The following SCAF4 variants were observed in gnomAD, a reference collection of about 807,000 sequenced individuals.
The protein encoded by SCAF4 is SR-related and CTD-associated factor 4.
A neutral mutation model predicts 129.8 loss-of-function variants in SCAF4; 25 were observed. That is an observed-to-expected ratio of 0.19 (90% confidence interval 0.14 to 0.27). The LOEUF is 0.27. SCAF4 is among the 10% of genes least tolerant of loss of function. SCAF4 has a pLI of 1.00. For synonymous variants in SCAF4, 551 were observed against 497.7 expected, an observed-to-expected ratio of 1.11 and a Z score of -1.43; for missense variants, 1,246 against 1,457.1, an observed-to-expected ratio of 0.86 and a Z score of 2.36.
At chr21:31,683,465 T>A (rs2050043181) in intron 19 of SCAF4, among the ~76,000 whole-genome samples, 1 of 152,236 alleles carries the variant, frequency 6.6e-6, no homozygotes, top group South Asian at 2.1e-4. Context: ...GGCTACTTAC[T>A]ACGCTTCACA....
chr21:31,721,191 C>A (rs1219651180), intron 1 of SCAF4, among the ~76,000 whole-genome samples: 1 of 152,128 alleles, frequency 6.6e-6, no homozygotes, highest in South Asian at 2.1e-4. Context: ...TCTGTCTCTA[C>A]GGGTTTGCTT....
chr21:31,729,890 A>T (rs1039489107), intron 1 of SCAF4, among the ~76,000 whole-genome samples: 2 of 152,224 alleles, frequency 1.3e-5, no homozygotes, highest in African/African-American at 4.8e-5. Flanking sequence ...TTCAGGATTA[A>T]TAGAAAATAC....
intron 14 of SCAF4, 56 bp from the exon 15 acceptor site, chr21:31,691,009 G>C: frequency 2.0e-6 from 3 of 1,465,580 alleles, no homozygotes; most frequent in Non-Finnish European, 2.8e-6. Flanking sequence ...CGTAAGTCTT[G>C]AGGGTATTAT....
intron 19 of SCAF4, among the ~76,000 whole-genome samples, chr21:31,679,064 T>C (rs1022064918): frequency 1.3e-5 from 2 of 152,206 alleles, no homozygotes; most frequent in Non-Finnish European, 2.9e-5. Context: ...GAATTAAGAA[T>C]AGAGGCTACA....
chr21:31,707,115 C>A (rs147919498), intron 1 of SCAF4, among the ~76,000 whole-genome samples: 372 of 152,150 alleles, frequency 2.4e-3, no homozygotes, highest in Middle Eastern at 6.8e-3. Flanking sequence ...TTATGGGAGG[C>A]TTTGACTGTC....
Position 31,692,394 on chromosome 21 carries a change from A to G in SCAF4, c.1569T>C (p.Asp523=). ...CAAACTCTTCCAAGAGACTGGCAAC[A>G]TCCTGCTGAGTAGTTCTTTTGTCCA... ...GQLDKRTTQQ[D]VASLLEEFGP... Residue 523 remains aspartate, a synonymous_variant, in exon 13 of 20, where the codon GAT becomes GAC. Transcript: ENST00000286835. The G allele has an allele frequency of 6.2e-7, 1 of 1,614,136 alleles. No individual in the cohort carries two copies. The highest frequency in any genetic ancestry group is 1.1e-5 in the South Asian group (1 of 91,088).
chr21:31,711,403 C>A (rs897344582), intron 1 of SCAF4, among the ~76,000 whole-genome samples: 2 of 152,180 alleles, frequency 1.3e-5, no homozygotes, highest in African/African-American at 4.8e-5. Flanking sequence ...CCAGAAATTA[C>A]GCTGATACTT....
At chr21:31,702,008 C>T in intron 5 of SCAF4, 90 bp from the exon 6 acceptor site, 2 of 1,468,052 alleles carry the variant, frequency 1.4e-6, no homozygotes, top group Non-Finnish European at 1.9e-6. Flanking sequence ...ACATTTTATC[C>T]AATTTAACAA....
chr21:31,675,670 T>C (rs1400527462), intron 19 of SCAF4, among the ~76,000 whole-genome samples: 13 of 152,110 alleles, frequency 8.5e-5, no homozygotes, highest in Admixed American at 8.5e-4. Context: ...ACCAAAACAG[T>C]GATGGCTCTA....
At chr21:31,730,884 A>G (rs1215603518) in intron 1 of SCAF4, among the ~76,000 whole-genome samples, 1 of 152,192 alleles carries the variant, frequency 6.6e-6, no homozygotes, top group Non-Finnish European at 1.5e-5. Flanking sequence ...GGAGCCGAGG[A>G]TTAACTACCT....
intron 4 of SCAF4, among the ~76,000 whole-genome samples, chr21:31,702,794 A>C (rs2050565984): frequency 6.6e-6 from 1 of 152,200 alleles, no homozygotes; most frequent in Non-Finnish European, 1.5e-5. Flanking sequence ...GTGGCCAAGC[A>C]AATATGAAGA....
chr21:31,684,872 A>G, intron 19 of SCAF4, 177 bp downstream of exon 19: 1 of 583,968 alleles, frequency 1.7e-6, no homozygotes, highest in East Asian at 2.9e-5. Context: ...ATTTGACTTT[A>G]AGAGGAAGAT....
intron 1 of SCAF4, among the ~76,000 whole-genome samples, chr21:31,709,068 T>C (rs2050735893): frequency 6.6e-6 from 1 of 152,164 alleles, no homozygotes; most frequent in South Asian, 2.1e-4. Flanking sequence ...AAATCTCTAA[T>C]TTATGGAGAA....
rs541908232 is a variant in SCAF4, at chr21:31,714,995, T to C, written c.31-8638A>G. ...TCAAATGGACAGGGTCCGGACGTAG[T>C]CCTGCACTGTGAATTGGCTTTTGTA... On this transcript the variant is annotated intron_variant, in intron 1 of 19. Coordinates refer to ENST00000286835, the MANE Select transcript of SCAF4 (RefSeq NM_020706.2). 2.6e-5 allele frequency among the ~76,000 whole-genome samples: 4 copies of C among 152,346 alleles called. No individual in the cohort carries two copies. The South Asian group carries it at 8.3e-4, about 32-fold the overall frequency.
chr21:31,719,498 A>C (rs7279164), intron 1 of SCAF4, among the ~76,000 whole-genome samples: 6,888 of 151,882 alleles, frequency 0.045, 479 homozygotes, highest in African/African-American at 0.15. Context: ...ATGTATTATT[A>C]TTCTTCTTTT....
chr21:31,696,898 G>C, intron 7 of SCAF4, 148 bp from the exon 8 acceptor site: 1 of 621,444 alleles, frequency 1.6e-6, no homozygotes, highest in Non-Finnish European at 2.7e-6. Flanking sequence ...TCAGGACCTT[G>C]GTTTGTAGAT....
intron 1 of SCAF4, among the ~76,000 whole-genome samples, chr21:31,711,409 T>C (rs1217247141): frequency 6.6e-6 from 1 of 152,206 alleles, no homozygotes; most frequent in Non-Finnish European, 1.5e-5. Flanking sequence ...ATTACGCTGA[T>C]ACTTTGACAT....
chr21:31,685,764 T>C (rs368708758), intron 16 of SCAF4, 31 bp from the exon 17 acceptor site: 3 of 1,537,184 alleles, frequency 2.0e-6, no homozygotes, highest in Non-Finnish European at 2.6e-6. Flanking sequence ...ATAAACCACC[T>C]ATCTAGACAC....
Position 31,690,707 on chromosome 21 carries a change from C to T in SCAF4, c.1885+90G>A, listed in dbSNP as rs561003149. On this transcript the variant is annotated intron_variant, in intron 15 of 19. Coordinates refer to ENST00000286835, the MANE Select transcript of SCAF4 (RefSeq NM_020706.2). Reference sequence around the variant, plus strand: ...GGATCCTAAAAAATCTCAAAAATCACGTCCTAATGCAAGGAACAGGACATT... The same window carrying T: ...GGATCCTAAAAAATCTCAAAAATCATGTCCTAATGCAAGGAACAGGACATT... The T allele has an allele frequency of 2.6e-4, 307 of 1,181,330 alleles. 2 individuals are homozygous for T. Among genetic ancestry groups the T allele is most frequent in the Non-Finnish European group, 3.2e-4 (271 of 841,110 alleles). 73.2% of individuals were successfully genotyped at this position (1,181,330 alleles called of 1,614,324 possible). A position where few individuals can be genotyped will look rare whatever the true frequency, so the allele number is the denominator to read the frequency against.
Sources: allele counts gnomAD v4.1 joint callset (sites outside exome capture counted in the v4.1 genomes callset), GRCh38; gene constraint gnomAD v4.1.1; transcripts MANE v1.5; gene names NCBI Gene and HGNC (gene_info 2026-07-23, HGNC 2026-07-21).